The following ZNF140 variants were observed in gnomAD, a reference collection of about 807,000 sequenced individuals.
ZNF140 encodes zinc finger protein 140, also known as zinc finger protein 140 (clone pHZ-39).
A neutral mutation model predicts 12.9 loss-of-function variants in ZNF140; 13 were observed. The observed-to-expected ratio is 1.01, with a 90% confidence interval of 0.66 to 1.60. The LOEUF is 1.60. Ranked by LOEUF, ZNF140 falls within the 40% of genes most tolerant of loss-of-function variation. The pLI is 0.00. For synonymous variants in ZNF140, 214 were observed against 186.7 expected (o/e 1.15, Z -1.19); for missense variants, 531 against 548.8 (o/e 0.97, Z 0.32).
chr12:133,105,824 C>T lies in ZNF140; in HGVS notation c.547C>T (p.His183Tyr), dbSNP rs1242012434. Reference protein sequence around the residue: ...RFSLVLHQRTHTGEKPYACKE... With the variant: ...RFSLVLHQRTYTGEKPYACKE... ...TTCCCTGGTGTTACACCAGAGGACT[C>T]ATACTGGAGAGAAACCATATGCATG... Residue 183 changes from histidine (H) to tyrosine (Y), a missense_variant, in exon 5 of 5, where the codon CAT becomes TAT. Physicochemically the swap from His to Tyr is moderately conservative, Grantham distance 83 (BLOSUM62 2). Transcript: ENST00000355557. The T allele has an allele frequency of 6.2e-6, 10 of 1,614,064 alleles. No homozygotes were observed. Among genetic ancestry groups the T allele is most frequent in the Non-Finnish European group, 8.5e-6 (10 of 1,180,054 alleles).
chr12:133,086,245 G>A (rs1954671767), intron 4 of ZNF140, among the ~76,000 whole-genome samples: 1 of 152,084 alleles, frequency 6.6e-6, no homozygotes, highest in Admixed American at 6.6e-5. Context: ...GGAGGATAAT[G>A]CACCTCTTTA....
intron 4 of ZNF140, among the ~76,000 whole-genome samples, chr12:133,093,951 C>T (rs1954983322): frequency 6.6e-6 from 1 of 151,086 alleles, no homozygotes; most frequent in South Asian, 2.1e-4. Flanking sequence ...TGTCTGTTAT[C>T]CCCTGTGTCC....
chr12:133,093,490 A>G lies in ZNF140; in HGVS notation c.232+9929A>G. The G allele has an allele frequency of 7.2e-6, 5 of 699,164 alleles. 1 individual carries two copies. The highest frequency in any genetic ancestry group is 5.9e-5 in the South Asian group (4 of 67,368). 43.3% of individuals were successfully genotyped at this position (699,164 alleles called of 1,614,324 possible). ...GGCTCCGCTTTCTTGGTAGATGGAA[A>G]CTTCTTTTGTAAGTTGTAAGTATCC... On this transcript the variant is annotated intron_variant, in intron 4 of 4. Coordinates refer to ENST00000355557, the MANE Select transcript of ZNF140 (RefSeq NM_003440.4).
intron 2 of ZNF140, chr12:133,082,695 C>T (rs201044872): frequency 0.013 from 2,107 of 163,942 alleles, 41 homozygotes; most frequent in African/African-American, 0.048. Flanking sequence ...CTGTTATCTG[C>T]TGTAGCGAAT....
intron 2 of ZNF140, chr12:133,082,891 C>CCTG: frequency 1.8e-6 from 1 of 564,704 alleles, no homozygotes; most frequent in Non-Finnish European, 3.0e-6. Flanking sequence ...TATCTCAGGA[C>CCTG]AGATAATTTA....
intron 4 of ZNF140, among the ~76,000 whole-genome samples, chr12:133,094,489 C>T (rs1206122134): frequency 6.6e-6 from 1 of 151,204 alleles, no homozygotes; most frequent in Non-Finnish European, 1.5e-5. Context: ...GCATTAATGG[C>T]TCTCAAATCA....
At position 133,106,709 on chromosome 12, in the gene ZNF140, GC is replaced by G. The variant is rs2137599449; in HGVS notation, c.*60del. 7.1e-7 allele frequency: 1 copy of G among 1,415,802 alleles called. No homozygotes were observed. Among genetic ancestry groups the G allele is most frequent in the African/African-American group, 1.4e-5 (1 of 69,882 alleles). 87.7% of individuals were successfully genotyped at this position (1,415,802 alleles called of 1,614,324 possible). Reference sequence around the variant, plus strand: ...GGAATTTTTTAAAAAGAAGTATAATGCCTTACTTCAGAGAACTCTTGGAAAG... The same window carrying G: ...GGAATTTTTTAAAAAGAAGTATAATGCTTACTTCAGAGAACTCTTGGAAAG... On this transcript the variant is annotated 3_prime_UTR_variant, in exon 5 of 5. Coordinates refer to ENST00000355557, the MANE Select transcript of ZNF140 (RefSeq NM_003440.4).
chr12:133,083,574 G>C lies in ZNF140; in HGVS notation c.232+13G>C. ...GATCTGTTTTCAGGTGAGTGAGTTG[G>C]AAGCTGATGGGGAAATTTTTTAAAA... On this transcript the variant is annotated intron_variant, in intron 4 of 4. Coordinates refer to ENST00000355557, the MANE Select transcript of ZNF140 (RefSeq NM_003440.4). 6.2e-7 allele frequency: 1 copy of C among 1,605,380 alleles called. No individual in the cohort carries two copies. Among genetic ancestry groups the C allele is most frequent in the South Asian group, 1.1e-5 (1 of 89,224 alleles).
intron 2 of ZNF140, 76 bp downstream of exon 2, chr12:133,081,405 T>TGAGACATAG (rs1954497825): frequency 8.1e-6 from 2 of 247,200 alleles, no homozygotes; most frequent in South Asian, 1.0e-4. Context: ...AGAGACAGGG[T>TGAGACATAG]CTCCTCCTGT....
chr12:133,101,558 C>T (rs1048220875), intron 4 of ZNF140, among the ~76,000 whole-genome samples: 1 of 152,192 alleles, frequency 6.6e-6, no homozygotes, highest in Non-Finnish European at 1.5e-5. Context: ...CATTCTCCTG[C>T]CTCAGCCTCC....
rs939929007 is a variant in ZNF140 at position 133,091,579 on chromosome 12, G to A, written c.232+8018G>A. On this transcript the variant is annotated intron_variant, in intron 4 of 4. Transcript: ENST00000355557. ...TTTTCTTTTTGACAAAACCGCCATC[G>A]TCATCATGACCCGTTCTCGCTGGTC... 5.9e-4 allele frequency among the ~76,000 whole-genome samples: 89 copies of A among 150,058 alleles called. 5 individuals carry two copies. The Middle Eastern group carries it at 0.01, about 17-fold the overall frequency.
intron 4 of ZNF140, among the ~76,000 whole-genome samples, chr12:133,104,633 G>C (rs946941198): frequency 6.6e-6 from 1 of 152,152 alleles, no homozygotes; most frequent in African/African-American, 2.4e-5. Context: ...TTACAGGCGT[G>C]AGCCACTGCG....
rs1955617093 is a variant in ZNF140, at chr12:133,106,794, C to G, written c.*143C>G. ...TATGGCCCACACTTTATTCACCACC[C>G]TGGAGAAAAAAAAACCCAGGAATAT... On this transcript the variant is annotated 3_prime_UTR_variant, in exon 5 of 5. Coordinates refer to ENST00000355557, the MANE Select transcript of ZNF140 (RefSeq NM_003440.4). 2.9e-6 allele frequency: 2 copies of G among 684,992 alleles called. No homozygotes were observed. The highest frequency in any genetic ancestry group is 4.3e-6 in the Non-Finnish European group (2 of 461,256). 42.4% of individuals were successfully genotyped at this position (684,992 alleles called of 1,614,324 possible).
At chr12:133,096,064 G>A (rs1196552670) in intron 4 of ZNF140, among the ~76,000 whole-genome samples, 1 of 151,266 alleles carries the variant, frequency 6.6e-6, no homozygotes, top group Non-Finnish European at 1.5e-5. Context: ...TCGGGCTGGG[G>A]GATGGTCAGG....
chr12:133,098,732 T>C lies in ZNF140; in HGVS notation c.233-6778T>C, dbSNP rs1468108237. 2.0e-5 allele frequency among the ~76,000 whole-genome samples: 3 copies of C among 152,290 alleles called. No homozygotes were observed. The East Asian group carries it at 5.8e-4, about 29-fold the overall frequency. On this transcript the variant is annotated intron_variant, in intron 4 of 4. Transcript: ENST00000355557. ...TTATCATTATTTTTTTGAGACAGAG[T>C]CTCGCTCTGTTGCCCAGGCTGGAGT...
intron 4 of ZNF140, among the ~76,000 whole-genome samples, chr12:133,102,420 A>G (rs1955380156): frequency 6.6e-6 from 1 of 152,098 alleles, no homozygotes; most frequent in Admixed American, 6.6e-5. Flanking sequence ...TGGTTTATCA[A>G]AGGAATCCTT....
Position 133,081,261 on chromosome 12 carries a change from T to G in ZNF140, c.-48-12T>G. ...GGCCTGTTCGCTCAGGGCTCCTTTC[T>G]CTCTCTGCCAGGTCTGCCATTTTAC... On this transcript the variant is annotated splice_polypyrimidine_tract_variant and intron_variant, in intron 1 of 4. Coordinates refer to ENST00000355557, the MANE Select transcript of ZNF140 (RefSeq NM_003440.4). 6.6e-7 allele frequency: 1 copy of G among 1,511,586 alleles called. No homozygotes were observed. Among genetic ancestry groups the G allele is most frequent in the Non-Finnish European group, 9.0e-7 (1 of 1,109,318 alleles). 93.6% of individuals were successfully genotyped at this position (1,511,586 alleles called of 1,614,324 possible). A position where few individuals can be genotyped will look rare whatever the true frequency, so the allele number is the denominator to read the frequency against.
chr12:133,095,733 G>A (rs1955066939), intron 4 of ZNF140, among the ~76,000 whole-genome samples: 2 of 151,608 alleles, frequency 1.3e-5, no homozygotes, highest in South Asian at 2.1e-4. Flanking sequence ...AAAAACATGT[G>A]AGCAAAAGAA....
At chr12:133,098,638 C>T (rs777076730) in intron 4 of ZNF140, among the ~76,000 whole-genome samples, 69 of 152,276 alleles carry the variant, frequency 4.5e-4, no homozygotes, top group Non-Finnish European at 7.3e-4. Context: ...TTTTTTCCTC[C>T]AGTCCTTAGT....
Sources: gnomAD v4.1 joint callset for allele counts (sites outside exome capture counted in the v4.1 genomes callset) on GRCh38, gnomAD v4.1.1 for gene constraint, MANE v1.5 for transcripts, NCBI Gene and HGNC (gene_info 2026-07-23, HGNC 2026-07-21) for gene names.